DAB1: variants seen among roughly 807,000 people sequenced by gnomAD.
DAB1 encodes the protein DAB adaptor protein 1, also known as disabled homolog 1.
In DAB1, 15 loss-of-function variants were observed where a neutral mutation model predicts 64.6. The observed-to-expected ratio is 0.23, with a 90% CI of 0.16 to 0.36. The LOEUF is 0.36. Ranked by LOEUF, DAB1 falls within the 10% of genes least tolerant of loss-of-function variation. The probability of loss-of-function intolerance (pLI) is 1.00; values close to 1 mark genes in which losing one functional copy is unlikely to be tolerated. For synonymous variants in DAB1, 235 were observed against 251.9 expected, an observed-to-expected ratio of 0.93 and a Z score of 0.64; for missense variants, 596 against 706.7, an observed-to-expected ratio of 0.84 and a Z score of 1.78.
intron 1 of DAB1, among the ~76,000 whole-genome samples, chr1:57,401,002 A>AAAT (rs1046315171): frequency 6.6e-6 from 1 of 151,842 alleles, no homozygotes; most frequent in Non-Finnish European, 1.5e-5. Flanking sequence ...TTAAAAAAAA[A>AAAT]AAAAAGTGCC....
At chr1:57,885,644 C>G (rs1040960469), upstream of DAB1, among the ~76,000 whole-genome samples, 1 of 152,016 alleles carries the variant, frequency 6.6e-6, no homozygotes, top group Non-Finnish European at 1.5e-5. Flanking sequence ...TTTTTCCACC[C>G]CTTTCACTAG....
At chr1:58,005,581 G>A (rs1646569624) in intron 5 of DAB1, among the ~76,000 whole-genome samples, 1 of 147,618 alleles carries the variant, frequency 6.8e-6, no homozygotes, top group Non-Finnish European at 1.5e-5. Context: ...GCTGTGGCCA[G>A]GAGGGGCTCT....
intron 1 of DAB1, among the ~76,000 whole-genome samples, chr1:58,532,815 T>G (rs968304398): frequency 2.0e-5 from 3 of 152,186 alleles, no homozygotes; most frequent in Admixed American, 6.5e-5. Context: ...TATAAGCCAC[T>G]GCACCCAGTC....
chr1:57,964,486 A>G (rs901272145), intron 5 of DAB1, among the ~76,000 whole-genome samples: 2 of 152,344 alleles, frequency 1.3e-5, no homozygotes, highest in Admixed American at 1.3e-4. Flanking sequence ...AAAATTACCA[A>G]GTACGTAAGA....
At chr1:58,308,220 T>C (rs1323651159) in intron 4 of DAB1, among the ~76,000 whole-genome samples, 19 of 152,106 alleles carry the variant, frequency 1.2e-4, no homozygotes, top group Admixed American at 1.2e-3. Context: ...TGTTTGGAGA[T>C]TGCTGGGAAG....
chr1:58,028,609 A>G (rs1359664345), intron 5 of DAB1, among the ~76,000 whole-genome samples: 2 of 152,242 alleles, frequency 1.3e-5, no homozygotes, highest in African/African-American at 2.4e-5. Context: ...GAAGGCAGAG[A>G]ACATCACTTT....
chr1:57,437,798 G>A (rs993726783), intron 7 of DAB1, among the ~76,000 whole-genome samples: 1 of 152,156 alleles, frequency 6.6e-6, no homozygotes, highest in African/African-American at 2.4e-5. Context: ...CACATTAAAT[G>A]TCTCTCTATC....
At chr1:57,831,091 T>A (rs1652564963) in intron 1 of DAB1, among the ~76,000 whole-genome samples, 1 of 152,120 alleles carries the variant, frequency 6.6e-6, no homozygotes, top group Non-Finnish European at 1.5e-5. Flanking sequence ...TTTTTGTATT[T>A]TTTAGTATAG....
intron 1 of DAB1, among the ~76,000 whole-genome samples, chr1:57,363,370 G>C (rs1679706721): frequency 6.6e-6 from 1 of 152,128 alleles, no homozygotes; most frequent in Non-Finnish European, 1.5e-5. Context: ...GTGAGTGAGG[G>C]ACACCCGTGA....
chr1:57,268,985 C>A (rs1447722844), intron 2 of DAB1, among the ~76,000 whole-genome samples: 1 of 152,112 alleles, frequency 6.6e-6, no homozygotes, highest in Non-Finnish European at 1.5e-5. Context: ...GGTGCCATGA[C>A]CGAGCCAGGG....
At chr1:57,572,754 G>A (rs901188983) in intron 7 of DAB1, among the ~76,000 whole-genome samples, 8 of 152,086 alleles carry the variant, frequency 5.3e-5, no homozygotes, top group African/African-American at 7.2e-5. Flanking sequence ...CAGGCATTAC[G>A]GGAAGCACAG....
intron 6 of DAB1, among the ~76,000 whole-genome samples, chr1:57,728,305 A>G (rs1213127606): frequency 1.3e-5 from 2 of 152,060 alleles, no homozygotes; most frequent in African/African-American, 4.8e-5. Context: ...TTAAAAGAAC[A>G]CCCCCTGGCC....
chr1:58,022,209 G>C (rs1490879408), intron 5 of DAB1, among the ~76,000 whole-genome samples: 2 of 152,176 alleles, frequency 1.3e-5, no homozygotes, highest in Non-Finnish European at 2.9e-5. Flanking sequence ...CCAAGACATT[G>C]AGTGCCAACC....
In DAB1 at chr1:58,452,733, C is replaced by T. The variant is rs115323046; in HGVS notation, n.257+53327G>A. Among the ~76,000 whole-genome samples, 1,204 of 151,058 alleles carry T rather than the reference C, an allele frequency of 8.0e-3. 21 individuals carry two copies. Among genetic ancestry groups the T allele is most frequent in the African/African-American group, 0.028 (1,137 of 41,056 alleles). ...ACTCCCAGCTACTCAGAGGCTGACG[C>T]GGGAGAATCACTTGAACCCGGGAGG... On this transcript the variant is annotated intron_variant and non_coding_transcript_variant, in intron 3 of 20. Coordinates refer to the DAB1 transcript ENST00000485760.
chr1:58,168,247 C>T (rs193167362), intron 4 of DAB1, among the ~76,000 whole-genome samples: 95 of 152,268 alleles, frequency 6.2e-4, no homozygotes, highest in Non-Finnish European at 1.0e-3. Flanking sequence ...AAGCAGCTTC[C>T]GCTTTTCCTT....
intron 4 of DAB1, among the ~76,000 whole-genome samples, chr1:58,264,729 G>T (rs951339778): frequency 6.6e-6 from 1 of 152,116 alleles, no homozygotes; most frequent in South Asian, 2.1e-4. Flanking sequence ...CACTTTTTTG[G>T]GTGAGAACTA....
chr1:57,684,060 C>T (rs1008085765), intron 6 of DAB1, among the ~76,000 whole-genome samples: 6 of 151,178 alleles, frequency 4.0e-5, no homozygotes, highest in Non-Finnish European at 8.8e-5. Context: ...CTCAGTCAGA[C>T]AAAAATAAAG....
intron 1 of DAB1, among the ~76,000 whole-genome samples, chr1:57,419,188 A>G (rs1171481831): frequency 6.6e-6 from 1 of 152,168 alleles, no homozygotes; most frequent in Non-Finnish European, 1.5e-5. Context: ...TTTTCAAGCC[A>G]CGTCTCTATC....
rs528072583 is a variant in DAB1, at chr1:58,148,780, C to A, written n.387+1731G>T. Among the ~76,000 whole-genome samples the A allele has an allele frequency of 9.1e-3, 1,381 of 152,092 alleles. 25 individuals carry two copies. Among genetic ancestry groups the A allele is most frequent in the African/African-American group, 0.03 (1,250 of 41,474 alleles). On this transcript the variant is annotated intron_variant and non_coding_transcript_variant, in intron 5 of 20. Transcript: ENST00000485760. Reference sequence around the variant, plus strand: ...GAGAGCAGCACAGAAATCACACCCCCCCCCCAACCTCATGATTCAATTACT... The same window carrying A: ...GAGAGCAGCACAGAAATCACACCCCACCCCCAACCTCATGATTCAATTACT...
Sources: allele counts gnomAD v4.1 joint callset (sites outside exome capture counted in the v4.1 genomes callset), GRCh38; gene constraint gnomAD v4.1.1; transcripts MANE v1.5; gene names NCBI Gene and HGNC (gene_info 2026-07-23, HGNC 2026-07-21).